MGAT4C: variants seen among roughly 807,000 people sequenced by gnomAD.
MGAT4C encodes MGAT4 family member C.
Under a neutral mutation model 40.1 loss-of-function variants are expected in MGAT4C, and 19 were observed. That is an observed-to-expected ratio of 0.47 (90% confidence interval 0.33 to 0.70). MGAT4C has a LOEUF of 0.70. Among genes scored for constraint, MGAT4C ranks in the 30% least tolerant of loss-of-function variants. The pLI is 0.02. For missense variants in MGAT4C, 491 were observed against 563.2 expected (o/e 0.87, Z 1.30); for synonymous variants, 181 against 187.1 (o/e 0.97, Z 0.27).
At chr12:86,177,999 C>A (rs761386727) in intron 1 of MGAT4C, among the ~76,000 whole-genome samples, 1 of 152,046 alleles carries the variant, frequency 6.6e-6, no homozygotes, top group Non-Finnish European at 1.5e-5. Context: ...TGCAGTGGCG[C>A]GATATTGGCT....
chr12:86,652,437 C>G (rs1489898359), intron 2 of MGAT4C, among the ~76,000 whole-genome samples: 1 of 151,878 alleles, frequency 6.6e-6, no homozygotes, highest in Non-Finnish European at 1.5e-5. Flanking sequence ...CAGTTACTCT[C>G]TTTCTTGTTA....
At chr12:86,792,278 A>T (rs527972765) in intron 1 of MGAT4C, among the ~76,000 whole-genome samples, 1 of 152,330 alleles carries the variant, frequency 6.6e-6, no homozygotes, top group African/African-American at 2.4e-5. Context: ...TTCAGTAATT[A>T]AGATATTCAA....
At chr12:86,189,993 T>G (rs1889192846) in intron 1 of MGAT4C, among the ~76,000 whole-genome samples, 1 of 152,100 alleles carries the variant, frequency 6.6e-6, no homozygotes, top group Non-Finnish European at 1.5e-5. Context: ...AAATGAAGGC[T>G]AAATATTTCA....
chr12:86,129,991 G>T (rs1471422860), intron 1 of MGAT4C, among the ~76,000 whole-genome samples: 1 of 152,196 alleles, frequency 6.6e-6, no homozygotes, highest in Non-Finnish European at 1.5e-5. Context: ...AAGAGATAGA[G>T]AGCATTAACT....
intron 4 of MGAT4C, among the ~76,000 whole-genome samples, chr12:86,264,046 G>T (rs999108200): frequency 6.6e-6 from 1 of 151,874 alleles, no homozygotes; most frequent in Non-Finnish European, 1.5e-5. Flanking sequence ...GTTGTTGTTG[G>T]TGGGTTATTT....
intron 1 of MGAT4C, among the ~76,000 whole-genome samples, chr12:86,130,850 A>G (rs999613137): frequency 6.6e-6 from 1 of 152,022 alleles, no homozygotes. Flanking sequence ...TAGTTTGAAT[A>G]TATGCTGATG....
intron 1 of MGAT4C, among the ~76,000 whole-genome samples, chr12:86,191,566 TC>T (rs990588981): frequency 3.4e-5 from 5 of 149,086 alleles, no homozygotes; most frequent in African/African-American, 1.2e-4. Flanking sequence ...GGTTTCAAAT[TC>T]CCAGCTCAAG....
intron 4 of MGAT4C, among the ~76,000 whole-genome samples, chr12:86,269,765 G>A (rs1952895356): frequency 6.6e-6 from 1 of 151,936 alleles, no homozygotes. Flanking sequence ...CTATATTAAT[G>A]GAGGAAAGAA....
chr12:86,312,264 G>C (rs571733588), intron 4 of MGAT4C, among the ~76,000 whole-genome samples: 166 of 152,274 alleles, frequency 1.1e-3, no homozygotes, highest in African/African-American at 3.7e-3. Context: ...AAACCTGAAG[G>C]TGCTTTAAAA....
intron 1 of MGAT4C, among the ~76,000 whole-genome samples, chr12:86,204,164 T>C (rs1950166030): frequency 6.6e-6 from 1 of 151,672 alleles, no homozygotes; most frequent in Non-Finnish European, 1.5e-5. Context: ...GAGAAATTCT[T>C]CCACAAGGAG....
chr12:86,364,796 G>T (rs2136205764), intron 3 of MGAT4C, among the ~76,000 whole-genome samples: 1 of 152,234 alleles, frequency 6.6e-6, no homozygotes, highest in African/African-American at 2.4e-5. Context: ...AAAGGGGAGG[G>T]GGTGTATGAA....
At chr12:86,582,756 A>G (rs953925802) in intron 2 of MGAT4C, among the ~76,000 whole-genome samples, 2 of 151,244 alleles carry the variant, frequency 1.3e-5, no homozygotes, top group Non-Finnish European at 3.0e-5. Context: ...TAAATTAGAA[A>G]TGGAGAAGTA....
intron 1 of MGAT4C, among the ~76,000 whole-genome samples, chr12:86,832,956 A>G (rs549889924): frequency 1.3e-5 from 2 of 152,058 alleles, no homozygotes; most frequent in African/African-American, 4.8e-5. Flanking sequence ...TCGTTTTAAC[A>G]CTGAAGCTTT....
At chr12:86,238,516 G>A (rs1193578661) in intron 1 of MGAT4C, among the ~76,000 whole-genome samples, 2 of 152,022 alleles carry the variant, frequency 1.3e-5, no homozygotes, top group African/African-American at 4.8e-5. Flanking sequence ...AAAGCTGTTA[G>A]CTGAAGGGGA....
At chr12:86,542,539 G>A (rs981163576) in intron 2 of MGAT4C, among the ~76,000 whole-genome samples, 1 of 152,010 alleles carries the variant, frequency 6.6e-6, no homozygotes, top group East Asian at 1.9e-4. Context: ...TTCTTTCATG[G>A]CATTTTTGTG....
At chr12:86,310,522 A>T (rs17360365) in intron 4 of MGAT4C, among the ~76,000 whole-genome samples, 2,727 of 152,066 alleles carry the variant, frequency 0.018, 105 homozygotes, top group Admixed American at 0.1. Context: ...ACAACTCATT[A>T]AAAAAAAGTT....
chr12:86,598,295 A>C (rs1175490334), intron 2 of MGAT4C, among the ~76,000 whole-genome samples: 1 of 152,144 alleles, frequency 6.6e-6, no homozygotes, highest in Non-Finnish European at 1.5e-5. Flanking sequence ...ACTATCATAA[A>C]ATAAACTCAA....
chr12:86,751,599 T>C (rs935938446), intron 1 of MGAT4C, among the ~76,000 whole-genome samples: 2 of 152,088 alleles, frequency 1.3e-5, no homozygotes, highest in Admixed American at 1.3e-4. Flanking sequence ...GAGTTTCTTA[T>C]TTCTACCACT....
At chr12:86,790,684 T>A (rs1048546801) in intron 1 of MGAT4C, among the ~76,000 whole-genome samples, 1 of 152,070 alleles carries the variant, frequency 6.6e-6, no homozygotes, top group African/African-American at 2.4e-5. Flanking sequence ...TTGAGAAACC[T>A]AAGCCACAGA....
Sources: gnomAD v4.1 joint callset for allele counts (sites outside exome capture counted in the v4.1 genomes callset) on GRCh38, gnomAD v4.1.1 for gene constraint, MANE v1.5 for transcripts, NCBI Gene and HGNC (gene_info 2026-07-23, HGNC 2026-07-21) for gene names.